The following ZNF620 variants were observed in gnomAD, a reference collection of about 807,000 sequenced individuals.
ZNF620 encodes the protein zinc finger protein 620.
In ZNF620, 10 loss-of-function variants were observed where a neutral mutation model predicts 13.3. The ratio of observed to expected loss-of-function variants is 0.75; its 90% confidence interval spans 0.46 to 1.28. The LOEUF is 1.28. Among genes scored for constraint, ZNF620 ranks in the 50% most tolerant of loss-of-function variants. The pLI, the probability that ZNF620 is intolerant of heterozygous loss-of-function variation, is 0.00. For synonymous variants in ZNF620, 166 were observed against 177.6 expected (o/e 0.93, Z 0.52); for missense variants, 461 against 500.2 (o/e 0.92, Z 0.75).
Position 40,516,407 on chromosome 3 carries a change from G to C in ZNF620, c.813G>C (p.Gln271His), listed in dbSNP as rs781081307. The C allele has an allele frequency of 3.1e-6, 5 of 1,614,234 alleles. No homozygotes were observed. In the South Asian group the frequency reaches 5.5e-5, roughly 18 times the overall value. ...CAGACACAGCCTTGATTCAGCATCA[G>C]AGAATCCACACTGGAGAAAAGCCCT... ...LSSDTALIQH[Q>H]RIHTGEKPYE... Residue 271 changes from glutamine to histidine, a missense_variant, in exon 5 of 5, where the codon CAG becomes CAC. Transcript: ENST00000314529.
At chr3:40,512,576 T>A in intron 4 of ZNF620, 61 bp downstream of exon 4, 1 of 1,207,192 alleles carries the variant, frequency 8.3e-7, no homozygotes, top group Non-Finnish European at 1.2e-6. Flanking sequence ...TTTTCACATT[T>A]CATTGTGCAA....
rs140020876 is a variant in ZNF620, at chr3:40,512,467, G to C, written c.217G>C (p.Asp73His). Residue 73 changes from aspartate (D) to histidine (H), a missense_variant, in exon 4 of 5, where the codon GAT becomes CAT. Coordinates refer to ENST00000314529, the MANE Select transcript of ZNF620 (RefSeq NM_175888.4). ...LEQGELPWGL[D>H]PWEPMGREAL... is the part of the protein sequence containing the mutation. The stretch of plus-strand genomic sequence containing the variant: ...GCAAGGGGAACTGCCATGGGGCCTC[G>C]ATCCCTGGGAACCTATGGGCAGGGA... 1.9e-6 allele frequency: 3 copies of C among 1,614,168 alleles called. No homozygotes were observed. The highest frequency in any genetic ancestry group is 1.7e-5 in the Admixed American group (1 of 60,014).
chr3:40,517,675 T>C lies in ZNF620; in HGVS notation c.*812T>C, dbSNP rs1317922259. The C allele has an allele frequency of 6.6e-6, 1 of 152,234 alleles. No individual in the cohort carries two copies. Among genetic ancestry groups the C allele is most frequent in the Non-Finnish European group, 1.5e-5 (1 of 68,038 alleles). The allele number at this position is 152,234 out of a possible 1,614,324, so 9.4% of individuals were successfully genotyped here. ...CCCTGCAATTCTATACTCCAAAGTA[T>C]AAGTATAGAATAAAGGCATTTCAGA... On this transcript the variant is annotated 3_prime_UTR_variant, in exon 5 of 5. Coordinates refer to ENST00000314529, the MANE Select transcript of ZNF620 (RefSeq NM_175888.4).
Position 40,516,810 on chromosome 3 carries a change from A to G in ZNF620, c.1216A>G (p.Arg406Gly). ...TGGTAAAACCTTCAGCTGGTGTGGA[A>G]GATTCATTCTGCATCAGAAACTACA... ...VCGKTFSWCG[R>G]FILHQKLHTQ... The change falls in exon 5 of 5, where the codon AGA becomes GGA. Residue 406 changes from arginine (R) to glycine (G), a missense_variant. Physicochemically the swap from Arg to Gly is moderately radical, Grantham distance 125. Coordinates refer to ENST00000314529, the MANE Select transcript of ZNF620 (RefSeq NM_175888.4). The G allele has an allele frequency of 6.2e-7, 1 of 1,613,802 alleles. No homozygotes were observed. The highest frequency in any genetic ancestry group is 8.5e-7 in the Non-Finnish European group (1 of 1,179,738).
In ZNF620 at chr3:40,508,576, GA is replaced by G. The variant is rs57443545; in HGVS notation, c.24+2202del. ...TTATTGAGCTTTCTTTTATGGCCCA[GA>G]ATATGGACTGTCTACCTATCTACAT... On this transcript the variant is annotated intron_variant, in intron 2 of 4. Coordinates refer to ENST00000314529, the MANE Select transcript of ZNF620 (RefSeq NM_175888.4). The G allele has an allele frequency of 3.4e-3, 891 of 260,826 alleles. 4 individuals are homozygous for G. Among genetic ancestry groups the G allele is most frequent in the African/African-American group, 0.018 (761 of 43,208 alleles). 16.2% of individuals were successfully genotyped at this position (260,826 alleles called of 1,614,324 possible).
At chr3:40,512,578 A>C in intron 4 of ZNF620, 63 bp downstream of exon 4, 1 of 1,174,144 alleles carries the variant, frequency 8.5e-7, no homozygotes, top group Non-Finnish European at 1.2e-6. Context: ...TTCACATTTC[A>C]TTGTGCAAGA....
At chr3:40,511,349 C>T in intron 2 of ZNF620, 121 bp from the exon 3 acceptor site, 1 of 1,375,266 alleles carries the variant, frequency 7.3e-7, no homozygotes, top group South Asian at 1.4e-5. Context: ...GGGCTGGCCT[C>T]ATGGTGGAGT....
chr3:40,507,318 T>C (rs908171564), intron 2 of ZNF620, among the ~76,000 whole-genome samples: 2 of 152,002 alleles, frequency 1.3e-5, no homozygotes, highest in African/African-American at 4.8e-5. Context: ...TCTCGATCCC[T>C]TGACCTCGTG....
rs1575298373 is a variant in ZNF620 at position 40,518,493 on chromosome 3, G to C, written c.*1630G>C. 1 of 152,142 alleles carries C rather than the reference G, an allele frequency of 6.6e-6. No individual in the cohort carries two copies. Among genetic ancestry groups the C allele is most frequent in the Non-Finnish European group, 1.5e-5 (1 of 68,056 alleles). 9.4% of individuals were successfully genotyped at this position (152,142 alleles called of 1,614,324 possible). ...TGCCTGTAATCCCAGCACTTTGGGA[G>C]GCTGAGGTGGGCAGATCACAAGGTC... On this transcript the variant is annotated 3_prime_UTR_variant, in exon 5 of 5. Coordinates refer to ENST00000314529, the MANE Select transcript of ZNF620 (RefSeq NM_175888.4).
In ZNF620 at chr3:40,512,491, G is replaced by A; in HGVS notation, c.241G>A (p.Glu81Lys). The stretch of plus-strand genomic sequence containing the variant: ...CGATCCCTGGGAACCTATGGGCAGG[G>A]AGGCTCTCAGAGGTATCTGTCCAGG... ...GLDPWEPMGREALRGICPGDE... is the reference protein window; with the variant it reads ...GLDPWEPMGRKALRGICPGDE... Residue 81 changes from glutamate (E) to lysine (K), a missense_variant, in exon 4 of 5, where the codon GAG (glutamate) becomes AAG (lysine). Glu to Lys is a moderately conservative substitution (Grantham distance 56, BLOSUM62 1). Coordinates refer to ENST00000314529, the MANE Select transcript of ZNF620 (RefSeq NM_175888.4). 6.2e-7 allele frequency: 1 copy of A among 1,613,548 alleles called. No individual in the cohort carries two copies. The highest frequency in any genetic ancestry group is 8.5e-7 in the Non-Finnish European group (1 of 1,179,744).
chr3:40,511,644 G>A lies in ZNF620; in HGVS notation c.151+48G>A, dbSNP rs540066741. The A allele has an allele frequency of 2.0e-5, 32 of 1,589,180 alleles. No homozygotes were observed. In the South Asian group the frequency reaches 3.3e-4, roughly 17 times the overall value. ...TGGCCTCTGCCCTTTAAGCATCCTGGCTTCTTTATTCCTTAGAACTTTGTG... is the reference window on the plus strand; with the variant it reads ...TGGCCTCTGCCCTTTAAGCATCCTGACTTCTTTATTCCTTAGAACTTTGTG... On this transcript the variant is annotated intron_variant, in intron 3 of 4. Coordinates refer to ENST00000314529, the MANE Select transcript of ZNF620 (RefSeq NM_175888.4).
At chr3:40,515,140 G>A (rs916204118) in intron 4 of ZNF620, among the ~76,000 whole-genome samples, 3 of 152,208 alleles carry the variant, frequency 2.0e-5, no homozygotes, top group African/African-American at 7.2e-5. Context: ...AGACCTTTTA[G>A]GAAAAATGGC....
chr3:40,514,429 C>G (rs879027674), intron 4 of ZNF620, among the ~76,000 whole-genome samples: 1 of 152,050 alleles, frequency 6.6e-6, no homozygotes, highest in Admixed American at 6.6e-5. Flanking sequence ...TACCAGTCTC[C>G]GCATCTTGGT....
At chr3:40,507,982 GTTGTAGA>G (rs1319760782) in intron 2 of ZNF620, among the ~76,000 whole-genome samples, 2 of 152,074 alleles carry the variant, frequency 1.3e-5, no homozygotes, top group African/African-American at 4.8e-5. Flanking sequence ...TTTTATCTAA[GTTGTAGA>G]AATTATTCAC....
chr3:40,515,807 T>TGTGA (rs1447024873), intron 4 of ZNF620, 53 bp from the exon 5 acceptor site: 1 of 1,439,868 alleles, frequency 6.9e-7, no homozygotes, highest in Non-Finnish European at 9.5e-7. Context: ...TGTGTGTGTG[T>TGTGA]GTGTGTGTGT....
Position 40,516,746 on chromosome 3 carries a change from A to C in ZNF620, c.1152A>C (p.Arg384=). Residue 384 remains arginine (R), a synonymous_variant, in exon 5 of 5, where the codon CGA becomes CGC. Transcript: ENST00000314529. ...NQKITLIQHQ[R]VHTGEKPYEC... is the part of the protein sequence containing the mutation. ...AAATAACCCTGATTCAGCACCAGCGAGTTCACACTGGCGAGAAACCTTATG... is the reference window on the plus strand; with the variant it reads ...AAATAACCCTGATTCAGCACCAGCGCGTTCACACTGGCGAGAAACCTTATG... The C allele has an allele frequency of 1.9e-6, 3 of 1,614,234 alleles. No individual in the cohort carries two copies. Among genetic ancestry groups the C allele is most frequent in the Non-Finnish European group, 1.7e-6 (2 of 1,180,040 alleles).
In ZNF620 at chr3:40,517,161, A is replaced by G. The variant is rs1698417283; in HGVS notation, c.*298A>G. The G allele has an allele frequency of 4.5e-6, 1 of 220,916 alleles. No individual in the cohort carries two copies. Among genetic ancestry groups the G allele is most frequent in the African/African-American group, 2.3e-5 (1 of 43,932 alleles). 13.7% of individuals were successfully genotyped at this position (220,916 alleles called of 1,614,324 possible). A position where few individuals can be genotyped will look rare whatever the true frequency, so the allele number is the denominator to read the frequency against. ...CCTACATTAAGGAAAATTGCTGTGA[A>G]TTATGAAAACACCAAGTTTGAATAA... is the stretch of plus-strand genomic sequence containing the variant. On this transcript the variant is annotated 3_prime_UTR_variant, in exon 5 of 5. Coordinates refer to ENST00000314529, the MANE Select transcript of ZNF620 (RefSeq NM_175888.4).
chr3:40,512,072 AG>A (rs1698218504), intron 3 of ZNF620, among the ~76,000 whole-genome samples: 1 of 152,158 alleles, frequency 6.6e-6, no homozygotes, highest in African/African-American at 2.4e-5. Context: ...CTGCGTTCCC[AG>A]GTTTTGAAAT....
intron 2 of ZNF620, among the ~76,000 whole-genome samples, chr3:40,506,979 T>A (rs2125654237): frequency 2.0e-5 from 3 of 152,304 alleles, no homozygotes; most frequent in Middle Eastern, 3.4e-3. Flanking sequence ...GTTTTGTAAA[T>A]GTCCTTTATC....
Sources: allele counts gnomAD v4.1 joint callset (sites outside exome capture counted in the v4.1 genomes callset), GRCh38; gene constraint gnomAD v4.1.1; transcripts MANE v1.5; gene names NCBI Gene and HGNC (gene_info 2026-07-23, HGNC 2026-07-21).